KCNN2: variants seen among roughly 807,000 people sequenced by gnomAD.
The protein encoded by KCNN2 is potassium calcium-activated channel subfamily N member 2.
In KCNN2, 24 loss-of-function variants were observed where a neutral mutation model predicts 55.5. That is an observed-to-expected ratio of 0.43 (90% CI 0.31 to 0.61). The LOEUF (loss-of-function observed/expected upper bound fraction) is 0.61, where lower values mean the gene tolerates loss of function less well. Among genes scored for constraint, KCNN2 ranks in the 20% least tolerant of loss-of-function variants. The pLI is 0.08. For missense variants in KCNN2, 754 were observed against 853.6 expected, an observed-to-expected ratio of 0.88 and a Z score of 1.45; for synonymous variants, 431 against 336.1, an observed-to-expected ratio of 1.28 and a Z score of -3.09.
intron 1 of KCNN2, among the ~76,000 whole-genome samples, chr5:114,084,911 G>T (rs951446659): frequency 6.6e-6 from 1 of 151,886 alleles, no homozygotes; most frequent in Admixed American, 6.6e-5. Flanking sequence ...TTTTTTAAAA[G>T]ATTGTCTTCT....
At chr5:114,313,940 GT>G (rs890867721) in intron 2 of KCNN2, among the ~76,000 whole-genome samples, 2 of 152,002 alleles carry the variant, frequency 1.3e-5, no homozygotes, top group Non-Finnish European at 2.9e-5. Context: ...GTTAAACAGT[GT>G]TTTTTTGTTG....
chr5:114,485,070 A>G (rs1328136996), intron 5 of KCNN2, among the ~76,000 whole-genome samples: 4 of 152,188 alleles, frequency 2.6e-5, no homozygotes, highest in African/African-American at 4.8e-5. Flanking sequence ...TTAAAAGCGT[A>G]TTGACTTTAG....
At chr5:114,063,427 A>G (rs1020893222) in intron 1 of KCNN2, among the ~76,000 whole-genome samples, 5 of 152,188 alleles carry the variant, frequency 3.3e-5, no homozygotes, top group African/African-American at 1.2e-4. Context: ...TGCTTCTTAA[A>G]TTCATGGTTT....
At chr5:114,151,426 C>T (rs1463829390) in intron 1 of KCNN2, among the ~76,000 whole-genome samples, 1 of 151,854 alleles carries the variant, frequency 6.6e-6, no homozygotes, top group Non-Finnish European at 1.5e-5. Context: ...GGTGGGACAG[C>T]AAAGGGGGTT....
intron 1 of KCNN2, among the ~76,000 whole-genome samples, chr5:114,081,975 T>G (rs1392234132): frequency 3.9e-5 from 6 of 152,078 alleles, no homozygotes; most frequent in Non-Finnish European, 8.8e-5. Flanking sequence ...CCAAAGAAGA[T>G]ATAAAAATGT....
At chr5:114,188,470 G>A (rs1224043726) in intron 1 of KCNN2, among the ~76,000 whole-genome samples, 1 of 151,980 alleles carries the variant, frequency 6.6e-6, no homozygotes, top group Non-Finnish European at 1.5e-5. Flanking sequence ...GAAGTCTTAG[G>A]CAATGCAAAA....
At chr5:114,318,012 A>G (rs1459049682) in intron 2 of KCNN2, among the ~76,000 whole-genome samples, 1 of 152,190 alleles carries the variant, frequency 6.6e-6, no homozygotes, top group African/African-American at 2.4e-5. Flanking sequence ...GTGGATGTTT[A>G]TTATGGTGTA....
chr5:114,261,766 C>T (rs910123006), intron 2 of KCNN2, among the ~76,000 whole-genome samples: 4 of 152,126 alleles, frequency 2.6e-5, no homozygotes, highest in East Asian at 3.9e-4. Context: ...TGGGTTAGTT[C>T]GCAGAAAGTT....
intron 1 of KCNN2, among the ~76,000 whole-genome samples, chr5:114,180,620 A>G (rs1753219718): frequency 6.6e-6 from 1 of 152,158 alleles, no homozygotes. Flanking sequence ...CTATACATAT[A>G]TATGTATGTA....
chr5:114,199,621 T>TA (rs397706706), intron 1 of KCNN2, among the ~76,000 whole-genome samples: 3 of 151,820 alleles, frequency 2.0e-5, no homozygotes, highest in Middle Eastern at 3.2e-3. Flanking sequence ...TATTTTTTTT[T>TA]ATGTGGCTTT....
chr5:114,408,720 T>A (rs1759023447), intron 3 of KCNN2, among the ~76,000 whole-genome samples: 3 of 152,204 alleles, frequency 2.0e-5, no homozygotes, highest in African/African-American at 7.2e-5. Flanking sequence ...GTGCATCTGC[T>A]TCCAAAGGCC....
chr5:114,154,264 T>A (rs1300121353), intron 1 of KCNN2, among the ~76,000 whole-genome samples: 1 of 152,148 alleles, frequency 6.6e-6, no homozygotes, highest in African/African-American at 2.4e-5. Context: ...AATACCAGTG[T>A]TATGGCATGT....
chr5:114,409,040 C>T (rs1270968679), intron 3 of KCNN2, among the ~76,000 whole-genome samples: 1 of 152,116 alleles, frequency 6.6e-6, no homozygotes, highest in Non-Finnish European at 1.5e-5. Flanking sequence ...GGGACAGAGG[C>T]CAAAACTCTG....
At chr5:114,473,409 C>G (rs1407502082) in intron 5 of KCNN2, among the ~76,000 whole-genome samples, 1 of 152,088 alleles carries the variant, frequency 6.6e-6, no homozygotes, top group Non-Finnish European at 1.5e-5. Context: ...TTAGGTATGC[C>G]TACTTGTTTA....
chr5:114,169,721 G>A (rs76502483), intron 1 of KCNN2, among the ~76,000 whole-genome samples: 2,720 of 152,126 alleles, frequency 0.018, 76 homozygotes, highest in African/African-American at 0.061. Flanking sequence ...AGAAAGAGAT[G>A]TTGAACAAGG....
intron 2 of KCNN2, among the ~76,000 whole-genome samples, chr5:114,315,159 C>T (rs1393866670): frequency 6.6e-6 from 1 of 152,094 alleles, no homozygotes; most frequent in African/African-American, 2.4e-5. Context: ...GAGCACCTTC[C>T]ATTCTTCTGT....
intron 1 of KCNN2, among the ~76,000 whole-genome samples, chr5:114,139,921 C>A (rs1045535776): frequency 2.0e-5 from 3 of 151,648 alleles, no homozygotes; most frequent in African/African-American, 7.3e-5. Context: ...TAGACTTCAA[C>A]CAAAATAACA....
chr5:114,367,606 C>T (rs1310174290), intron 2 of KCNN2, among the ~76,000 whole-genome samples: 1 of 151,592 alleles, frequency 6.6e-6, no homozygotes, highest in Admixed American at 6.6e-5. Flanking sequence ...CCTCAAGTCT[C>T]AAGGTCAAAT....
chr5:114,214,772 G>A (rs563445129), intron 1 of KCNN2, among the ~76,000 whole-genome samples: 43 of 152,232 alleles, frequency 2.8e-4, no homozygotes, highest in Admixed American at 8.5e-4. Context: ...CAACCTGAGT[G>A]CCTTTCAGTC....
Sources: allele counts gnomAD v4.1 joint callset (sites outside exome capture counted in the v4.1 genomes callset), GRCh38; gene constraint gnomAD v4.1.1; transcripts MANE v1.5; gene names NCBI Gene and HGNC (gene_info 2026-07-23, HGNC 2026-07-21).